TRMT11: variants seen among roughly 807,000 people sequenced by gnomAD.
TRMT11 encodes the protein tRNA (guanine(10)-N(2))-methyltransferase TRMT11.
A neutral mutation model predicts 62.8 loss-of-function variants in TRMT11; 53 were observed. The observed-to-expected ratio is 0.84, with a 90% CI of 0.68 to 1.06. TRMT11 has a LOEUF of 1.06. Among genes scored for constraint, TRMT11 ranks in the 50% least tolerant of loss-of-function variants. TRMT11 has a pLI of 0.00. For missense variants in TRMT11, 556 were observed against 553.4 expected (o/e 1.00, Z -0.05); for synonymous variants, 188 against 190.3 (o/e 0.99, Z 0.10).
chr6:126,031,424 A>G (rs529944517), intron 12 of TRMT11, among the ~76,000 whole-genome samples: 1 of 152,288 alleles, frequency 6.6e-6, no homozygotes, highest in South Asian at 2.1e-4. Context: ...AAACTTGCAC[A>G]TCAGGAGAAA....
intron 21 of TRMT11, among the ~76,000 whole-genome samples, chr6:126,148,771 A>T (rs964865293): frequency 1.3e-4 from 20 of 152,176 alleles, no homozygotes; most frequent in African/African-American, 2.2e-4. Flanking sequence ...AATATTTTTT[A>T]AAAATGTAGT....
At chr6:126,174,098 A>G (rs1229757314), upstream of TRMT11, among the ~76,000 whole-genome samples, 1 of 152,172 alleles carries the variant, frequency 6.6e-6, no homozygotes, top group Non-Finnish European at 1.5e-5. Flanking sequence ...CCTTGGCAAC[A>G]CATGTTCCTT....
intron 21 of TRMT11, among the ~76,000 whole-genome samples, chr6:126,151,983 C>A (rs1028364099): frequency 1.0e-5 from 1 of 99,896 alleles, no homozygotes; most frequent in African/African-American, 4.0e-5. Context: ...TCTCTCTCCC[C>A]TCCCTCCCTC....
chr6:126,234,647 G>A, the TRMT11 span, among the ~76,000 whole-genome samples: 1 of 152,016 alleles, frequency 6.6e-6, no homozygotes, highest in African/African-American at 2.4e-5. Context: ...ACTGGGATAT[G>A]TTTATATTAA....
At chr6:126,267,576 TTACTC>T in the TRMT11 span, among the ~76,000 whole-genome samples, 1 of 152,204 alleles carries the variant, frequency 6.6e-6, no homozygotes, top group Non-Finnish European at 1.5e-5. Flanking sequence ...ATTAATTAAT[TTACTC>T]TGCTAAATTT....
chr6:126,076,224 A>G (rs534080256), intron 17 of TRMT11, among the ~76,000 whole-genome samples: 137 of 152,300 alleles, frequency 9.0e-4, no homozygotes, highest in African/African-American at 3.1e-3. Context: ...CTGTCTTCCA[A>G]TTACAGCTCT....
At chr6:126,247,512 A>G in the TRMT11 span, among the ~76,000 whole-genome samples, 2 of 146,814 alleles carry the variant, frequency 1.4e-5, no homozygotes, top group Admixed American at 1.4e-4. Context: ...CTCTCTCTAT[A>G]TATAAATATA....
the TRMT11 span, among the ~76,000 whole-genome samples, chr6:126,235,856 TAAAAA>T: frequency 1.3e-5 from 2 of 152,018 alleles, no homozygotes; most frequent in Admixed American, 1.3e-4. Flanking sequence ...CCCCTGAACT[TAAAAA>T]AAAGTTGGAA....
the TRMT11 span, among the ~76,000 whole-genome samples, chr6:126,235,560 G>A: frequency 1.3e-5 from 2 of 152,280 alleles, no homozygotes; most frequent in South Asian, 4.1e-4. Context: ...GGACATGGAT[G>A]CAGCTGGAAA....
intron 21 of TRMT11, among the ~76,000 whole-genome samples, chr6:126,117,445 C>T (rs116124669): frequency 0.049 from 7,374 of 151,990 alleles, 581 homozygotes; most frequent in African/African-American, 0.16. Context: ...TGTCTTTTAC[C>T]GTCCTTGACA....
At chr6:126,182,342 G>A (rs1296862708) in intron 1 of TRMT11, among the ~76,000 whole-genome samples, 2 of 151,916 alleles carry the variant, frequency 1.3e-5, no homozygotes, top group Non-Finnish European at 2.9e-5. Context: ...TCTGTGAATA[G>A]AGCCTTGCTG....
the TRMT11 span, among the ~76,000 whole-genome samples, chr6:126,242,828 A>G: frequency 1.3e-5 from 2 of 152,132 alleles, no homozygotes; most frequent in African/African-American, 4.8e-5. Context: ...AAACATAAAA[A>G]CCCTAGAAGA....
At chr6:125,993,711 T>A in intron 1 of TRMT11, 46 bp from the exon 2 acceptor site, 1 of 1,317,464 alleles carries the variant, frequency 7.6e-7, no homozygotes, top group Non-Finnish European at 1.1e-6. Context: ...ACATTTTTAG[T>A]TCCTTTTTGT....
intron 12 of TRMT11, among the ~76,000 whole-genome samples, chr6:126,027,296 C>T (rs1412318905): frequency 2.0e-5 from 3 of 152,176 alleles, no homozygotes; most frequent in Non-Finnish European, 1.5e-5. Context: ...TGACGGTCAC[C>T]TGAAGCAATT....
chr6:126,184,901 CAG>C (rs1293739383), intron 1 of TRMT11, among the ~76,000 whole-genome samples: 1 of 152,184 alleles, frequency 6.6e-6, no homozygotes, highest in Non-Finnish European at 1.5e-5. Flanking sequence ...AAACACGAAA[CAG>C]GGACAGCAGC....
the TRMT11 span, among the ~76,000 whole-genome samples, chr6:126,227,932 C>T: frequency 6.6e-6 from 1 of 152,166 alleles, no homozygotes; most frequent in African/African-American, 2.4e-5. Flanking sequence ...ACATAAAAGC[C>T]GTAAAACATG....
At chr6:126,118,264 G>A (rs1190557407) in intron 21 of TRMT11, among the ~76,000 whole-genome samples, 1 of 151,982 alleles carries the variant, frequency 6.6e-6, no homozygotes, top group Non-Finnish European at 1.5e-5. Flanking sequence ...AGGCCCTCTC[G>A]GAAAATGATA....
intron 21 of TRMT11, among the ~76,000 whole-genome samples, chr6:126,152,636 A>G (rs1778072713): frequency 6.6e-6 from 1 of 152,252 alleles, no homozygotes; most frequent in African/African-American, 2.4e-5. Flanking sequence ...AAGGTTGAAT[A>G]CAAAGGAAAT....
At chr6:126,027,724 G>A (rs1179453154) in intron 12 of TRMT11, among the ~76,000 whole-genome samples, 1 of 152,076 alleles carries the variant, frequency 6.6e-6, no homozygotes, top group Non-Finnish European at 1.5e-5. Context: ...GACAGTTTAT[G>A]TAATTTTTTA....
Sources: gnomAD v4.1 joint callset for allele counts (sites outside exome capture counted in the v4.1 genomes callset) on GRCh38, gnomAD v4.1.1 for gene constraint, MANE v1.5 for transcripts, NCBI Gene and HGNC (gene_info 2026-07-23, HGNC 2026-07-21) for gene names.